Variants in SORCS2 observed in about 807,000 individuals in gnomAD.
SORCS2 encodes sortilin related VPS10 domain containing receptor 2.
In SORCS2, 100 loss-of-function variants were observed where a neutral mutation model predicts 141.6. The observed-to-expected ratio is 0.71, with a 90% CI of 0.60 to 0.83. SORCS2 has a LOEUF of 0.83. SORCS2 is among the 40% of genes least tolerant of loss of function. The pLI is 0.00. For missense variants in SORCS2, 1,646 were observed against 1,560.2 expected (o/e 1.05, Z -0.93); for synonymous variants, 789 against 676.9 (o/e 1.17, Z -2.57).
At chr4:7,360,228 A>T (rs1721498517) in intron 1 of SORCS2, among the ~76,000 whole-genome samples, 1 of 152,220 alleles carries the variant, frequency 6.6e-6, no homozygotes, top group Non-Finnish European at 1.5e-5. Flanking sequence ...CTTCGGAATC[A>T]TATCATGTTA....
In SORCS2 at chr4:7,416,805, T is replaced by C. The variant is rs192459756; in HGVS notation, c.548+20450T>C. Among the ~76,000 whole-genome samples, 293 of 147,194 alleles carry C rather than the reference T, an allele frequency of 2.0e-3. 1 individual carries two copies. The highest frequency in any genetic ancestry group is 7.3e-3 in the African/African-American group (285 of 39,252). On this transcript the variant is annotated intron_variant, in intron 2 of 26. Coordinates refer to ENST00000507866, the MANE Select transcript of SORCS2 (RefSeq NM_020777.3). ...ACACACGCTTGTGCACACACAAACA[T>C]GCATGCATGTACACACTTGTGAACA...
In SORCS2 at chr4:7,363,179, C is replaced by T. The variant is rs117640934; in HGVS notation, c.481-33109C>T. Among the ~76,000 whole-genome samples, 142 of 150,372 alleles carry T rather than the reference C, an allele frequency of 9.4e-4. No individual in the cohort carries two copies. The East Asian group carries it at 0.021, about 22-fold the overall frequency. ...CCACCACCACTACCACCATTACTAC[C>T]CTCATCACCACCTTCACCGTCACCA... On this transcript the variant is annotated intron_variant, in intron 1 of 26. Transcript: ENST00000507866.
Position 7,193,156 on chromosome 4 carries a change from C to A in SORCS2, c.480+30C>A. The A allele has an allele frequency of 6.7e-7, 1 of 1,483,202 alleles. No homozygotes were observed. The allele number at this position is 1,483,202 out of a possible 1,614,324, so 91.9% of individuals were successfully genotyped here. A position where few individuals can be genotyped will look rare whatever the true frequency, so the allele number is the denominator to read the frequency against. The stretch of plus-strand genomic sequence containing the variant: ...GTGACCTCCACGCGCTCGCCGCGGC[C>A]CCTACCCGGGACACCGCGGGACACC... On this transcript the variant is annotated intron_variant, in intron 1 of 26. Transcript: ENST00000507866. This position sits in a 1 kb window ranked among gnomAD's most constrained non-coding sequence, Gnocchi z 4.8.
rs1177057344 is a variant in SORCS2, at chr4:7,725,225, G to A, written c.2683G>A (p.Val895Met). 6.2e-7 allele frequency: 1 copy of A among 1,613,654 alleles called. No individual in the cohort carries two copies. Among genetic ancestry groups the A allele is most frequent in the Non-Finnish European group, 8.5e-7 (1 of 1,179,682 alleles). ...GLNQEVNLTA[V>M]LLPLNPNLTV... ...CAACCAGGAGGTGAACCTCACAGCT[G>A]TGCTGCTTCCCTTGAACCCTAACCT... The change falls in exon 20 of 27, where the codon GTG (valine) becomes ATG (methionine). Residue 895 changes from valine (V) to methionine (M), a missense_variant. Physicochemically the swap from Val to Met is conservative, Grantham distance 21. Coordinates refer to ENST00000507866, the MANE Select transcript of SORCS2 (RefSeq NM_020777.3).
intron 4 of SORCS2, among the ~76,000 whole-genome samples, chr4:7,639,535 GTGTTAGTGTGAAT>G (rs1720503100): frequency 7.5e-6 from 1 of 133,262 alleles, no homozygotes; most frequent in Non-Finnish European, 1.7e-5. Context: ...ATGTGGGGGG[GTGTTAGTGTGAAT>G]GTGTGTGACT....
At chr4:7,737,635 T>A (rs895461828) in intron 26 of SORCS2, among the ~76,000 whole-genome samples, 1 of 152,202 alleles carries the variant, frequency 6.6e-6, no homozygotes, top group Non-Finnish European at 1.5e-5. Flanking sequence ...TTACAGTTTA[T>A]GAAGCATTTC....
chr4:7,416,530 TCA>T (rs774224525), intron 2 of SORCS2, among the ~76,000 whole-genome samples: 9 of 151,940 alleles, frequency 5.9e-5, no homozygotes, highest in South Asian at 4.2e-4. Flanking sequence ...ACTGACACAC[TCA>T]CACACGCCCA....
chr4:7,469,153 A>G (rs192259107), intron 2 of SORCS2, among the ~76,000 whole-genome samples: 2 of 151,566 alleles, frequency 1.3e-5, no homozygotes, highest in African/African-American at 4.9e-5. Context: ...GATGATGATG[A>G]TGGTGGTGAT....
chr4:7,397,391 T>A (rs9997320), intron 2 of SORCS2, among the ~76,000 whole-genome samples: 5,289 of 151,786 alleles, frequency 0.035, 148 homozygotes, highest in Admixed American at 0.046. Context: ...AAGCTCAGGG[T>A]TTAAGACACT....
At chr4:7,425,469 G>A (rs779374632) in intron 2 of SORCS2, among the ~76,000 whole-genome samples, 1 of 152,168 alleles carries the variant, frequency 6.6e-6, no homozygotes, top group Non-Finnish European at 1.5e-5. Context: ...GTGGCGAGAC[G>A]TTCCCCTTCA....
At chr4:7,217,822 C>T (rs377157577) in intron 1 of SORCS2, among the ~76,000 whole-genome samples, 5 of 152,164 alleles carry the variant, frequency 3.3e-5, no homozygotes, top group Admixed American at 6.5e-5. Context: ...CTGTGGGAGC[C>T]GTGGGGACCT....
chr4:7,429,786 G>A (rs1019071987), intron 2 of SORCS2, among the ~76,000 whole-genome samples: 1 of 152,190 alleles, frequency 6.6e-6, no homozygotes, highest in Non-Finnish European at 1.5e-5. Flanking sequence ...GAGAACACAC[G>A]CCCTGAGCCT....
chr4:7,406,781 T>C (rs1320454664), intron 2 of SORCS2, among the ~76,000 whole-genome samples: 1 of 151,976 alleles, frequency 6.6e-6, no homozygotes, highest in Non-Finnish European at 1.5e-5. Flanking sequence ...ATTTGGTTTG[T>C]TTTTTCTAGT....
chr4:7,260,950 A>G (rs1283229444), intron 1 of SORCS2, among the ~76,000 whole-genome samples: 1 of 152,222 alleles, frequency 6.6e-6, no homozygotes, highest in East Asian at 1.9e-4. Context: ...AGGCGCTCAT[A>G]GCACTGAACT....
At chr4:7,654,284 C>A in intron 5 of SORCS2, 77 bp downstream of exon 5, 2 of 1,427,268 alleles carry the variant, frequency 1.4e-6, no homozygotes, top group South Asian at 2.5e-5. Context: ...CCTTGGGAGC[C>A]CATCCCTGCA....
At chr4:7,550,800 C>T (rs1173274269) in intron 3 of SORCS2, among the ~76,000 whole-genome samples, 1 of 152,174 alleles carries the variant, frequency 6.6e-6, no homozygotes, top group Non-Finnish European at 1.5e-5. Context: ...AGTGTGTGCT[C>T]AGTGCTCATA....
At chr4:7,372,349 C>T (rs1051321942) in intron 1 of SORCS2, among the ~76,000 whole-genome samples, 5 of 152,114 alleles carry the variant, frequency 3.3e-5, no homozygotes, top group African/African-American at 1.2e-4. Flanking sequence ...TCTTGTTGCC[C>T]AGGCTGGAGG....
At chr4:7,525,321 C>T (rs1460680707) in intron 2 of SORCS2, among the ~76,000 whole-genome samples, 2 of 152,078 alleles carry the variant, frequency 1.3e-5, no homozygotes, top group East Asian at 3.9e-4. Context: ...TGTGTGGTCA[C>T]AGCCTTTTTT....
intron 3 of SORCS2, among the ~76,000 whole-genome samples, chr4:7,609,987 G>A (rs1317229493): frequency 2.0e-5 from 3 of 152,194 alleles, no homozygotes; most frequent in Admixed American, 6.5e-5. Flanking sequence ...GCCAGTGAAT[G>A]TCTGACCGTA....
Sources: allele counts gnomAD v4.1 joint callset (sites outside exome capture counted in the v4.1 genomes callset), GRCh38; gene constraint gnomAD v4.1.1; non-coding constraint Gnocchi (gnomAD v3.1); transcripts MANE v1.5; gene names NCBI Gene and HGNC (gene_info 2026-07-23, HGNC 2026-07-21).